Variants in HMG20A observed in about 807,000 individuals in gnomAD.
HMG20A encodes the protein high mobility group 20A.
In HMG20A, 17 loss-of-function variants were observed where a neutral mutation model predicts 43.9. The observed-to-expected ratio is 0.39, with a 90% CI of 0.27 to 0.58. The LOEUF (loss-of-function observed/expected upper bound fraction) is 0.58. Ranked by LOEUF, HMG20A falls within the 20% of genes least tolerant of loss-of-function variation. HMG20A has a pLI of 0.59. For missense variants in HMG20A, 341 were observed against 438.2 expected (o/e 0.78, Z 1.98); for synonymous variants, 132 against 147.5 (o/e 0.89, Z 0.76).
chr15:77,432,553 C>G (rs1434517983), intron 1 of HMG20A, among the ~76,000 whole-genome samples: 1 of 151,942 alleles, frequency 6.6e-6, no homozygotes, highest in Non-Finnish European at 1.5e-5. Flanking sequence ...AAAAGCCCAT[C>G]TCTATTAAAA....
chr15:77,476,623 T>C (rs951149840), intron 6 of HMG20A, among the ~76,000 whole-genome samples: 6 of 151,956 alleles, frequency 3.9e-5, no homozygotes, highest in African/African-American at 1.4e-4. Flanking sequence ...ATAAAGGTCC[T>C]GGGATCTTAA....
intron 1 of HMG20A, among the ~76,000 whole-genome samples, chr15:77,436,823 A>G (rs1429526755): frequency 6.6e-6 from 1 of 152,206 alleles, no homozygotes; most frequent in Non-Finnish European, 1.5e-5. Flanking sequence ...GAAAGCATAA[A>G]TGTCACATCA....
chr15:77,429,314 C>T (rs1302072644), intron 1 of HMG20A, among the ~76,000 whole-genome samples: 6 of 152,080 alleles, frequency 3.9e-5, no homozygotes, highest in African/African-American at 9.7e-5. Context: ...GCCTCAGCCT[C>T]CCAAGTAGCT....
At chr15:77,450,253 C>T (rs777238564) in intron 1 of HMG20A, among the ~76,000 whole-genome samples, 1 of 151,992 alleles carries the variant, frequency 6.6e-6, no homozygotes, top group Non-Finnish European at 1.5e-5. Flanking sequence ...CCTCAGCCTC[C>T]CCGAGTAGCT....
At chr15:77,480,704 G>A (rs114843245) in intron 9 of HMG20A, among the ~76,000 whole-genome samples, 2,046 of 147,086 alleles carry the variant, frequency 0.014, 33 homozygotes, top group African/African-American at 0.044. Context: ...CAACAAATGA[G>A]CAGTAGTATG....
intron 1 of HMG20A, among the ~76,000 whole-genome samples, chr15:77,451,590 A>G (rs2072602851): frequency 6.6e-6 from 1 of 152,236 alleles, no homozygotes; most frequent in Non-Finnish European, 1.5e-5. Flanking sequence ...CACAGAACCT[A>G]TGGATACAGG....
At chr15:77,515,637 T>G in the HMG20A span, among the ~76,000 whole-genome samples, 3 of 152,158 alleles carry the variant, frequency 2.0e-5, no homozygotes, top group Non-Finnish European at 4.4e-5. Flanking sequence ...GAAGGATACA[T>G]GCAGAAAAAC....
intron 1 of HMG20A, 36 bp from the exon 2 acceptor site, chr15:77,458,368 A>G: frequency 7.4e-7 from 1 of 1,348,710 alleles, no homozygotes; most frequent in Non-Finnish European, 1.1e-6. Flanking sequence ...GAAGTAATTA[A>G]GCCATTAATT....
intron 8 of HMG20A, 85 bp from the exon 9 acceptor site, chr15:77,479,094 T>C (rs886809283): frequency 7.5e-7 from 1 of 1,325,566 alleles, no homozygotes; most frequent in Admixed American, 1.7e-5. Flanking sequence ...GCAGACCACA[T>C]TAGAATCACT....
chr15:77,487,032 C>T (rs1364859985), downstream of HMG20A, among the ~76,000 whole-genome samples: 1 of 152,184 alleles, frequency 6.6e-6, no homozygotes, highest in Non-Finnish European at 1.5e-5. Flanking sequence ...TTCTCAAGGT[C>T]ACCCCGTGGT....
chr15:77,429,744 A>G (rs535779273), intron 1 of HMG20A, among the ~76,000 whole-genome samples: 4 of 152,222 alleles, frequency 2.6e-5, no homozygotes, highest in East Asian at 1.9e-4. Flanking sequence ...ATTATTGCCT[A>G]TCTACTCAGT....
At chr15:77,421,044 G>C in intron 1 of HMG20A, 40 bp downstream of exon 1, 1 of 398,400 alleles carries the variant, frequency 2.5e-6, no homozygotes. Flanking sequence ...CCCCAGTCGA[G>C]ATGCCCTTCA....
chr15:77,433,744 TAG>T (rs939883953), intron 1 of HMG20A, among the ~76,000 whole-genome samples: 1 of 152,206 alleles, frequency 6.6e-6, no homozygotes, highest in Non-Finnish European at 1.5e-5. Context: ...CTATAAAACA[TAG>T]AGAGAAACAA....
At chr15:77,479,929 T>G (rs1383115611) in intron 9 of HMG20A, among the ~76,000 whole-genome samples, 1 of 152,236 alleles carries the variant, frequency 6.6e-6, no homozygotes, top group Non-Finnish European at 1.5e-5. Flanking sequence ...ACACAGTGAC[T>G]GTTGTCTGTT....
chr15:77,484,002 G>A lies in HMG20A; in HGVS notation c.*1039G>A, dbSNP rs988619151. 1.3e-5 allele frequency: 2 copies of A among 152,214 alleles called. No individual in the cohort carries two copies. Among genetic ancestry groups the A allele is most frequent in the Non-Finnish European group, 2.9e-5 (2 of 68,050 alleles). The allele number at this position is 152,214 out of a possible 1,614,324, so 9.4% of individuals were successfully genotyped here. ...TTCTCATGTCCTTTGTCTTCCTTCT[G>A]TAGCCATTAACTGCTGAATCCATGT... is the stretch of plus-strand genomic sequence containing the variant. On this transcript the variant is annotated 3_prime_UTR_variant, in exon 10 of 10. Transcript: ENST00000336216.
intron 6 of HMG20A, among the ~76,000 whole-genome samples, chr15:77,476,520 G>A (rs1452376869): frequency 6.6e-6 from 1 of 150,420 alleles, no homozygotes; most frequent in Non-Finnish European, 1.5e-5. Context: ...AAAGCTAGTG[G>A]TGACAAGAGT....
At chr15:77,497,365 C>A in the HMG20A span, among the ~76,000 whole-genome samples, 1,972 of 152,364 alleles carry the variant, frequency 0.013, 47 homozygotes, top group African/African-American at 0.045. Context: ...GAGGAGGCCT[C>A]CTGCTGATTA....
chr15:77,476,656 T>C (rs2072859854), intron 6 of HMG20A, among the ~76,000 whole-genome samples: 1 of 152,154 alleles, frequency 6.6e-6, no homozygotes, highest in African/African-American at 2.4e-5. Flanking sequence ...AGTTTCTTCA[T>C]TTCTCACTTC....
chr15:77,479,056 C>T (rs922765856), intron 8 of HMG20A, 123 bp from the exon 9 acceptor site: 18 of 866,832 alleles, frequency 2.1e-5, no homozygotes, highest in Admixed American at 9.1e-5. Flanking sequence ...AAAAGTCTCT[C>T]CTCTAAAATT....
Sources: gnomAD v4.1 joint callset for allele counts (sites outside exome capture counted in the v4.1 genomes callset) on GRCh38, gnomAD v4.1.1 for gene constraint, MANE v1.5 for transcripts, NCBI Gene and HGNC (gene_info 2026-07-23, HGNC 2026-07-21) for gene names.